Variants in CTNNA3 observed in about 807,000 individuals in gnomAD.
CTNNA3 encodes catenin alpha 3, also known as catenin alpha-3.
CTNNA3 carries 76 observed loss-of-function variants against 95.7 expected under a neutral mutation model. That is an observed-to-expected ratio of 0.79 (90% CI 0.66 to 0.96). The LOEUF is 0.96. Among genes scored for constraint, CTNNA3 ranks in the 40% least tolerant of loss-of-function variants. CTNNA3 has a pLI of 0.00. For missense variants in CTNNA3, 1,191 were observed against 1,089.8 expected (o/e 1.09, Z -1.31); for synonymous variants, 431 against 374.4 (o/e 1.15, Z -1.74).
intron 10 of CTNNA3, among the ~76,000 whole-genome samples, chr10:66,544,697 T>C (rs1343110729): frequency 6.6e-6 from 1 of 152,106 alleles, no homozygotes; most frequent in Non-Finnish European, 1.5e-5. Context: ...ATCTATAGGA[T>C]AATTGTGTTT....
At chr10:66,967,343 TATAG>T (rs72083996) in intron 7 of CTNNA3, among the ~76,000 whole-genome samples, 35,295 of 150,816 alleles carry the variant, frequency 0.23, 4,563 homozygotes, top group Non-Finnish European at 0.31. Context: ...CATATATATA[TATAG>T]ATAGATAGAT....
At chr10:67,757,128 C>T (rs1841437576) in intron 1 of CTNNA3, among the ~76,000 whole-genome samples, 1 of 152,116 alleles carries the variant, frequency 6.6e-6, no homozygotes, top group Non-Finnish European at 1.5e-5. Context: ...CTGACAGAAA[C>T]ATGGAATAGA....
chr10:66,388,521 T>C (rs1188355763), intron 11 of CTNNA3, among the ~76,000 whole-genome samples: 1 of 152,282 alleles, frequency 6.6e-6, no homozygotes, highest in South Asian at 2.1e-4. Context: ...TTCTGGTTCT[T>C]TTTTTGTTTG....
At chr10:66,281,334 G>T (rs930127641) in intron 12 of CTNNA3, among the ~76,000 whole-genome samples, 8 of 151,706 alleles carry the variant, frequency 5.3e-5, no homozygotes, top group East Asian at 1.9e-4. Context: ...TTACTTTTAA[G>T]GTTAATGATA....
chr10:66,645,027 A>AT (rs1172789001), intron 9 of CTNNA3, among the ~76,000 whole-genome samples: 1 of 152,042 alleles, frequency 6.6e-6, no homozygotes, highest in African/African-American at 2.4e-5. Context: ...ATCTTTTGGG[A>AT]TTTTTTTCAT....
intron 13 of CTNNA3, among the ~76,000 whole-genome samples, chr10:66,277,605 G>T (rs947356047): frequency 1.3e-5 from 2 of 152,054 alleles, no homozygotes; most frequent in Non-Finnish European, 2.9e-5. Flanking sequence ...TTATTTTTAT[G>T]CTATAACCCA....
intron 10 of CTNNA3, among the ~76,000 whole-genome samples, chr10:66,535,741 C>T (rs1248418662): frequency 1.3e-5 from 2 of 152,092 alleles, no homozygotes; most frequent in East Asian, 3.9e-4. Context: ...GTCTGTATTT[C>T]TCCATAGTCA....
At chr10:65,994,462 T>C (rs1182738994) in intron 15 of CTNNA3, among the ~76,000 whole-genome samples, 1 of 152,014 alleles carries the variant, frequency 6.6e-6, no homozygotes, top group Non-Finnish European at 1.5e-5. Context: ...CCCAGCTCTC[T>C]GAATGTATCA....
intron 7 of CTNNA3, among the ~76,000 whole-genome samples, chr10:66,879,037 G>A (rs988333597): frequency 9.9e-5 from 15 of 152,072 alleles, no homozygotes; most frequent in African/African-American, 3.6e-4. Context: ...CAACAATTCT[G>A]TGATAGAGGT....
intron 5 of CTNNA3, among the ~76,000 whole-genome samples, chr10:67,283,371 T>G (rs1290551825): frequency 1.3e-5 from 2 of 151,978 alleles, no homozygotes; most frequent in African/African-American, 4.8e-5. Flanking sequence ...GTTGGGTGAG[T>G]GGGCTCAAGC....
At chr10:67,086,368 G>A (rs1857308280) in intron 7 of CTNNA3, among the ~76,000 whole-genome samples, 1 of 151,914 alleles carries the variant, frequency 6.6e-6, no homozygotes, top group African/African-American at 2.4e-5. Flanking sequence ...TCATTTAGTT[G>A]GGAGATAATC....
At chr10:66,628,377 T>C (rs377632511) in intron 9 of CTNNA3, among the ~76,000 whole-genome samples, 1 of 152,070 alleles carries the variant, frequency 6.6e-6, no homozygotes, top group East Asian at 1.9e-4. Flanking sequence ...AATATAAAGG[T>C]AAGAATTATT....
At chr10:66,129,912 T>C (rs745783389) in intron 13 of CTNNA3, among the ~76,000 whole-genome samples, 1 of 152,104 alleles carries the variant, frequency 6.6e-6, no homozygotes, top group Non-Finnish European at 1.5e-5. Context: ...ACAGTGCACA[T>C]GAACCCTGCA....
intron 1 of CTNNA3, among the ~76,000 whole-genome samples, chr10:67,706,446 C>T (rs1841079249): frequency 6.6e-6 from 1 of 151,784 alleles, no homozygotes; most frequent in African/African-American, 2.4e-5. Context: ...CTCAGTTATA[C>T]CAGCCATAAT....
intron 9 of CTNNA3, among the ~76,000 whole-genome samples, chr10:66,644,306 CTATATATA>C (rs112963546): frequency 3.8e-4 from 41 of 107,382 alleles, no homozygotes; most frequent in Middle Eastern, 5.7e-3. Context: ...CTCTCTCTCT[CTATATATA>C]TATATATATA....
chr10:67,615,567 A>G (rs1332375590), intron 2 of CTNNA3, among the ~76,000 whole-genome samples: 4 of 152,190 alleles, frequency 2.6e-5, no homozygotes, highest in Admixed American at 1.3e-4. Flanking sequence ...ACACTGTGCC[A>G]GAACATGGCA....
Position 65,966,623 on chromosome 10 carries a change from T to C in CTNNA3, c.2389A>G (p.Ile797Val). The C allele has an allele frequency of 6.2e-7, 1 of 1,613,674 alleles. No individual in the cohort carries two copies. Among genetic ancestry groups the C allele is most frequent in the Non-Finnish European group, 8.5e-7 (1 of 1,179,674 alleles). ...AEIQNLGGEL[I>V]MSALDSVTSL... ...TAGGCAGTACTCACAGCTGACATGA[T>C]GAGCTCTCCTCCCAGGTTCTGGATC... The change falls in exon 17 of 18, where the codon ATC becomes GTC. Residue 797 changes from isoleucine (I) to valine (V), a missense_variant. Transcript: ENST00000433211.
intron 10 of CTNNA3, among the ~76,000 whole-genome samples, chr10:66,597,544 A>T (rs1589471562): frequency 7.5e-6 from 1 of 133,782 alleles, no homozygotes; most frequent in Non-Finnish European, 1.6e-5. Context: ...ATATATATAT[A>T]TATATATATA....
intron 9 of CTNNA3, among the ~76,000 whole-genome samples, chr10:66,631,579 A>T (rs1305165682): frequency 2.6e-5 from 4 of 152,156 alleles, no homozygotes; most frequent in Non-Finnish European, 4.4e-5. Flanking sequence ...GCAAAACTAC[A>T]CTAAAAAACA....
Sources: gnomAD v4.1 joint callset for allele counts (sites outside exome capture counted in the v4.1 genomes callset) on GRCh38, gnomAD v4.1.1 for gene constraint, MANE v1.5 for transcripts, NCBI Gene and HGNC (gene_info 2026-07-23, HGNC 2026-07-21) for gene names.